The following CCR9 variants were observed in gnomAD, a reference collection of about 807,000 sequenced individuals.
CCR9 encodes C-C chemokine receptor type 9.
In CCR9, 4 loss-of-function variants were observed where a neutral mutation model predicts 8.7. The ratio of observed to expected loss-of-function variants is 0.46; its 90% confidence interval spans 0.23 to 1.06. The LOEUF is 1.06. CCR9 is among the 50% of genes least tolerant of loss of function. CCR9 has a pLI of 0.21. For missense variants in CCR9, 394 were observed against 453.6 expected, an observed-to-expected ratio of 0.87 and a Z score of 1.19; for synonymous variants, 159 against 168.8, an observed-to-expected ratio of 0.94 and a Z score of 0.45.
chr3:45,895,540 C>T (rs1702326252), intron 2 of CCR9, among the ~76,000 whole-genome samples: 2 of 152,148 alleles, frequency 1.3e-5, no homozygotes, highest in African/African-American at 4.8e-5. Flanking sequence ...CATGGCAAAA[C>T]CCCATCTCTA....
chr3:45,889,704 A>G (rs1043827025), intron 1 of CCR9, among the ~76,000 whole-genome samples: 1 of 151,058 alleles, frequency 6.6e-6, no homozygotes, highest in Non-Finnish European at 1.5e-5. Flanking sequence ...TTTTTTAAAG[A>G]TCACACAACA....
intron 2 of CCR9, chr3:45,897,433 G>A (rs1002447733): frequency 2.9e-6 from 2 of 695,904 alleles, no homozygotes; most frequent in African/African-American, 3.5e-5. Flanking sequence ...CTTCCAGCAG[G>A]ACACAATGTC....
At chr3:45,899,927 G>A (rs1702491958) in intron 2 of CCR9, among the ~76,000 whole-genome samples, 1 of 152,174 alleles carries the variant, frequency 6.6e-6, no homozygotes, top group Non-Finnish European at 1.5e-5. Context: ...GTGTGTGTGT[G>A]TATGCGCATA....
chr3:45,901,030 C>T lies in CCR9; in HGVS notation c.242C>T (p.Thr81Ile), dbSNP rs200033259. Residue 81 changes from threonine to isoleucine, a missense_variant, in exon 3 of 3, where the codon ACC (threonine) becomes ATC (isoleucine). Coordinates refer to ENST00000357632, the MANE Select transcript of CCR9 (RefSeq NM_031200.3). This position sits in a 1 kb window ranked among gnomAD's most constrained non-coding sequence, Gnocchi z 4.3. ...TACTGGTACTGCACAAGAGTGAAGACCATGACCGACATGTTCCTTTTGAAT... is the reference window on the plus strand; with the variant it reads ...TACTGGTACTGCACAAGAGTGAAGATCATGACCGACATGTTCCTTTTGAAT... ...LVYWYCTRVK[T>I]MTDMFLLNLA... 1.2e-6 allele frequency: 2 copies of T among 1,614,200 alleles called. No individual in the cohort carries two copies. The highest frequency in any genetic ancestry group is 2.2e-5 in the South Asian group (2 of 91,084).
chr3:45,889,483 T>G (rs563325345), intron 1 of CCR9, among the ~76,000 whole-genome samples: 67 of 152,044 alleles, frequency 4.4e-4, no homozygotes, highest in South Asian at 1.5e-3. Flanking sequence ...GCATTGGGCT[T>G]CTTCTTCTTT....
chr3:45,890,056 G>T (rs1197698236), intron 1 of CCR9, among the ~76,000 whole-genome samples: 1 of 150,130 alleles, frequency 6.7e-6, no homozygotes, highest in East Asian at 2.0e-4. Flanking sequence ...CAGTGTGGAG[G>T]CCTTTTTTCC....
At chr3:45,890,619 A>G (rs1300268757) in intron 1 of CCR9, among the ~76,000 whole-genome samples, 1 of 151,754 alleles carries the variant, frequency 6.6e-6, no homozygotes, top group African/African-American at 2.4e-5. Context: ...GCAGGAAGCA[A>G]TCACTCCACA....
In CCR9 at chr3:45,894,908, G is replaced by A. The variant is rs1427910808; in HGVS notation, c.-26G>A. On this transcript the variant is annotated splice_region_variant and 5_prime_UTR_variant, in exon 2 of 3. Coordinates refer to ENST00000357632, the MANE Select transcript of CCR9 (RefSeq NM_031200.3). ...TTTGATTTTTGTCCCTTTTCCAGGA[G>A]CAGGCTTGCATCTGACTGACCCACC... is the stretch of plus-strand genomic sequence containing the variant. The A allele has an allele frequency of 5.0e-6, 8 of 1,613,438 alleles. No individual in the cohort carries two copies. In the East Asian group the frequency reaches 1.8e-4, roughly 36 times the overall value.
intron 1 of CCR9, among the ~76,000 whole-genome samples, chr3:45,887,937 A>G (rs773661472): frequency 1.3e-5 from 2 of 152,242 alleles, no homozygotes; most frequent in Non-Finnish European, 2.9e-5. Context: ...TACAAAGTTC[A>G]AAGTAAGGAC....
At chr3:45,896,299 G>A (rs1702353945) in intron 2 of CCR9, among the ~76,000 whole-genome samples, 1 of 152,216 alleles carries the variant, frequency 6.6e-6, no homozygotes, top group African/African-American at 2.4e-5. Context: ...ACTCTGCAAA[G>A]CAGCCCCAGA....
upstream of CCR9, chr3:45,886,498 G>A (rs1360144963): frequency 6.6e-6 from 1 of 152,356 alleles, no homozygotes. Flanking sequence ...AGGCAGGGGT[G>A]GCCTGGCTTC....
In CCR9 at chr3:45,900,338, C is replaced by G. The variant is rs1702510383; in HGVS notation, c.22-472C>G. On this transcript the variant is annotated intron_variant, in intron 2 of 2. Coordinates refer to ENST00000357632, the MANE Select transcript of CCR9 (RefSeq NM_031200.3). This position sits in a 1 kb window ranked among gnomAD's most constrained non-coding sequence, Gnocchi z 4.7. Reference sequence around the variant, plus strand: ...TTCAGGAAACTCAGGGGACTGGGATCCAGATGAGTTTAAGAGCCCTTGCTA... The same window carrying G: ...TTCAGGAAACTCAGGGGACTGGGATGCAGATGAGTTTAAGAGCCCTTGCTA... Among the ~76,000 whole-genome samples, 1 of 152,042 alleles carries G rather than the reference C, an allele frequency of 6.6e-6. No individual in the cohort carries two copies. The highest frequency in any genetic ancestry group is 1.5e-5 in the Non-Finnish European group (1 of 68,024).
intron 2 of CCR9, 150 bp downstream of exon 2, chr3:45,895,104 G>A: frequency 1.2e-6 from 1 of 833,828 alleles, no homozygotes; most frequent in Non-Finnish European, 2.0e-6. Context: ...TTGCTGGGTA[G>A]GTTGTTGTCC....
chr3:45,900,807 C>A lies in CCR9; in HGVS notation c.22-3C>A, dbSNP rs748168593. 3 of 1,605,232 alleles carry A rather than the reference C, an allele frequency of 1.9e-6. No homozygotes were observed. The highest frequency in any genetic ancestry group is 1.1e-5 in the South Asian group (1 of 89,980). On this transcript the variant is annotated splice_region_variant and splice_polypyrimidine_tract_variant and intron_variant, in intron 2 of 2. Coordinates refer to ENST00000357632, the MANE Select transcript of CCR9 (RefSeq NM_031200.3). The surrounding 1 kb of genome is among the most constrained non-coding windows in gnomAD (Gnocchi z 4.7). ...CCTAATGCCATCTTGTGTCCCCTTG[C>A]AGAGCCCTATTCCTAACATGGCTGA...
At chr3:45,899,632 C>A (rs1702479635) in intron 2 of CCR9, among the ~76,000 whole-genome samples, 1 of 152,094 alleles carries the variant, frequency 6.6e-6, no homozygotes, top group African/African-American at 2.4e-5. Context: ...AGCTGGTAGT[C>A]CCTGGTGGAA....
At chr3:45,892,845 G>A (rs1215367524) in intron 1 of CCR9, among the ~76,000 whole-genome samples, 1 of 152,186 alleles carries the variant, frequency 6.6e-6, no homozygotes, top group South Asian at 2.1e-4. Flanking sequence ...CAGCAGAGAG[G>A]TTACCAGGAG....
intron 1 of CCR9, among the ~76,000 whole-genome samples, chr3:45,893,931 G>T (rs765258798): frequency 6.6e-6 from 1 of 152,204 alleles, no homozygotes; most frequent in Non-Finnish European, 1.5e-5. Context: ...GAAAAGCAGG[G>T]TGGGGTCATG....
chr3:45,899,325 A>T (rs7614342), intron 2 of CCR9, among the ~76,000 whole-genome samples: 43,144 of 152,194 alleles, frequency 0.28, 8,549 homozygotes, highest in African/African-American at 0.56. Flanking sequence ...GAAATGCTAG[A>T]CAGATCTACT....
chr3:45,890,333 AT>A (rs1702130136), intron 1 of CCR9, among the ~76,000 whole-genome samples: 1 of 73,010 alleles, frequency 1.4e-5, no homozygotes, highest in Non-Finnish European at 2.1e-5. Context: ...AAATATATAT[AT>A]AACATATATA....
Sources: gnomAD v4.1 joint callset for allele counts (sites outside exome capture counted in the v4.1 genomes callset) on GRCh38, gnomAD v4.1.1 for gene constraint, Gnocchi (gnomAD v3.1) non-coding constraint, MANE v1.5 for transcripts, NCBI Gene and HGNC (gene_info 2026-07-23, HGNC 2026-07-21) for gene names.